The following ATRNL1 variants were observed in gnomAD, a reference collection of about 807,000 sequenced individuals.
ATRNL1 encodes the protein attractin like 1.
Under a neutral mutation model 182.7 loss-of-function variants are expected in ATRNL1, and 95 were observed. The ratio of observed to expected loss-of-function variants is 0.52; its 90% CI spans 0.44 to 0.62. The LOEUF is 0.62. Ranked by LOEUF, ATRNL1 falls within the 20% of genes least tolerant of loss-of-function variation. The pLI is 0.00. For missense variants in ATRNL1, 1,471 were observed against 1,679.5 expected (o/e 0.88, Z 2.17); for synonymous variants, 576 against 568.3 (o/e 1.01, Z -0.19).
At chr10:115,866,247 C>T (rs1206850391) in intron 28 of ATRNL1, among the ~76,000 whole-genome samples, 2 of 152,248 alleles carry the variant, frequency 1.3e-5, no homozygotes, top group Non-Finnish European at 2.9e-5. Context: ...TTGACACGAA[C>T]ATGGTGTTCT....
intron 26 of ATRNL1, among the ~76,000 whole-genome samples, chr10:115,682,902 C>G (rs1555045163): frequency 6.6e-6 from 1 of 152,122 alleles, no homozygotes; most frequent in African/African-American, 2.4e-5. Context: ...AGAATCTAGA[C>G]TGAGATTACT....
intron 26 of ATRNL1, among the ~76,000 whole-genome samples, chr10:115,709,186 TA>T (rs570423245): frequency 3.3e-4 from 50 of 152,002 alleles, no homozygotes; most frequent in Admixed American, 2.4e-3. Flanking sequence ...TTTGCATATT[TA>T]TTTGAATTTT....
At chr10:115,636,604 G>T (rs1858889834) in intron 26 of ATRNL1, among the ~76,000 whole-genome samples, 1 of 152,126 alleles carries the variant, frequency 6.6e-6, no homozygotes, top group Admixed American at 6.6e-5. Flanking sequence ...CTCAAAAATT[G>T]CTTGTAGAAA....
chr10:115,279,032 C>T (rs542812692), intron 13 of ATRNL1, among the ~76,000 whole-genome samples: 2 of 151,834 alleles, frequency 1.3e-5, no homozygotes, highest in East Asian at 3.9e-4. Flanking sequence ...GAAACCCTGT[C>T]TCTACTAAAA....
chr10:115,847,764 G>C (rs1555099222), intron 27 of ATRNL1, 113 bp from the exon 28 acceptor site: 1 of 672,220 alleles, frequency 1.5e-6, no homozygotes, highest in East Asian at 2.7e-5. Flanking sequence ...CACATGGTGT[G>C]TCCTGAACAA....
At chr10:115,415,241 G>A (rs1436065225) in intron 20 of ATRNL1, among the ~76,000 whole-genome samples, 2 of 152,000 alleles carry the variant, frequency 1.3e-5, no homozygotes, top group African/African-American at 4.8e-5. Flanking sequence ...GTCTTGTGGA[G>A]AATAATTTGT....
intron 27 of ATRNL1, among the ~76,000 whole-genome samples, chr10:115,746,045 T>C (rs549813672): frequency 6.6e-6 from 1 of 152,262 alleles, no homozygotes; most frequent in African/African-American, 2.4e-5. Flanking sequence ...AATATTAATA[T>C]CAAAGGTTAA....
chr10:115,093,409 C>T lies in ATRNL1; in HGVS notation c.-342C>T, dbSNP rs2084925195. On this transcript the variant is annotated 5_prime_UTR_variant, in exon 1 of 29. Transcript: ENST00000355044. The surrounding 1 kb of genome is among the most constrained non-coding windows in gnomAD (Gnocchi z 6.1). ...CGAGGCGGGGCCGCGCGCGGGGTCCCCTCCTCCTGCCGGTCAGGTCCCCTC... is the reference window on the plus strand; with the variant it reads ...CGAGGCGGGGCCGCGCGCGGGGTCCTCTCCTCCTGCCGGTCAGGTCCCCTC... 1 of 270,136 alleles carries T rather than the reference C, an allele frequency of 3.7e-6. No homozygotes were observed. Among genetic ancestry groups the T allele is most frequent in the Non-Finnish European group, 6.9e-6 (1 of 143,890 alleles). 16.7% of individuals were successfully genotyped at this position (270,136 alleles called of 1,614,324 possible).
At chr10:115,359,932 A>G (rs962468315) in intron 19 of ATRNL1, among the ~76,000 whole-genome samples, 3 of 151,640 alleles carry the variant, frequency 2.0e-5, no homozygotes, top group African/African-American at 7.2e-5. Flanking sequence ...GTGATTTTTA[A>G]CATACATTTT....
At chr10:115,097,275 G>A (rs2085037324) in intron 1 of ATRNL1, among the ~76,000 whole-genome samples, 4 of 151,994 alleles carry the variant, frequency 2.6e-5, no homozygotes, top group Admixed American at 2.6e-4. Context: ...CTTGAGCCCA[G>A]AAGTTTGAGA....
intron 26 of ATRNL1, among the ~76,000 whole-genome samples, chr10:115,629,545 A>G (rs1227782012): frequency 1.3e-5 from 2 of 152,152 alleles, no homozygotes; most frequent in East Asian, 3.9e-4. Context: ...AAGAGAAAGT[A>G]TAGGAAGCTT....
intron 11 of ATRNL1, among the ~76,000 whole-genome samples, chr10:115,265,908 T>C (rs545254596): frequency 2.0e-5 from 3 of 151,892 alleles, no homozygotes; most frequent in East Asian, 3.9e-4. Flanking sequence ...GAATGACCTT[T>C]TTATAAGCCC....
chr10:115,576,238 T>C (rs1438087362), intron 26 of ATRNL1, among the ~76,000 whole-genome samples: 1 of 152,046 alleles, frequency 6.6e-6, no homozygotes, highest in African/African-American at 2.4e-5. Flanking sequence ...TTCGTTTCCT[T>C]TGGATGTACG....
chr10:115,892,110 T>G (rs1289709580), intron 28 of ATRNL1, among the ~76,000 whole-genome samples: 2 of 152,214 alleles, frequency 1.3e-5, no homozygotes, highest in African/African-American at 4.8e-5. Flanking sequence ...TGTTGTTATA[T>G]TACTCTGTTT....
chr10:115,467,623 T>C (rs1467370140), intron 23 of ATRNL1, among the ~76,000 whole-genome samples: 1 of 150,740 alleles, frequency 6.6e-6, no homozygotes, highest in East Asian at 1.9e-4. Flanking sequence ...TTAATATTTA[T>C]ATAAAACAAT....
intron 1 of ATRNL1, among the ~76,000 whole-genome samples, chr10:115,103,687 C>A (rs913338010): frequency 1.3e-5 from 2 of 152,140 alleles, no homozygotes; most frequent in Non-Finnish European, 2.9e-5. Context: ...CCCATTTCCC[C>A]CACTCCAATA....
intron 27 of ATRNL1, among the ~76,000 whole-genome samples, chr10:115,794,032 A>C (rs992538992): frequency 1.3e-5 from 2 of 152,188 alleles, no homozygotes. Context: ...TCATAAAGTT[A>C]TTGGCTCTCA....
intron 24 of ATRNL1, among the ~76,000 whole-genome samples, chr10:115,469,550 T>G (rs1301017858): frequency 1.3e-5 from 2 of 150,656 alleles, no homozygotes; most frequent in Non-Finnish European, 3.0e-5. Flanking sequence ...TTTTCAGTGA[T>G]TATTATGTAC....
At chr10:115,135,017 G>T (rs1161466976) in intron 5 of ATRNL1, among the ~76,000 whole-genome samples, 4 of 151,928 alleles carry the variant, frequency 2.6e-5, no homozygotes, top group Admixed American at 6.6e-5. Flanking sequence ...AATAAATTCG[G>T]TATTGATGGG....
Sources: gnomAD v4.1 joint callset for allele counts (sites outside exome capture counted in the v4.1 genomes callset) on GRCh38, gnomAD v4.1.1 for gene constraint, Gnocchi (gnomAD v3.1) non-coding constraint, MANE v1.5 for transcripts, NCBI Gene and HGNC (gene_info 2026-07-23, HGNC 2026-07-21) for gene names.